Variants in SFTPA1 observed in about 807,000 individuals in gnomAD.
The protein encoded by SFTPA1 is pulmonary surfactant-associated protein A1.
Under a neutral mutation model 19.1 loss-of-function variants are expected in SFTPA1, and 13 were observed. The observed-to-expected ratio is 0.68, with a 90% CI of 0.44 to 1.08. The LOEUF is 1.08. Among genes scored for constraint, SFTPA1 ranks in the 50% least tolerant of loss-of-function variants. The pLI, the probability that SFTPA1 is intolerant of heterozygous loss-of-function variation, is 0.00. For synonymous variants in SFTPA1, 101 were observed against 117.0 expected, an observed-to-expected ratio of 0.86 and a Z score of 0.88; for missense variants, 259 against 316.4, an observed-to-expected ratio of 0.82 and a Z score of 1.38.
In SFTPA1 at chr10:79,612,443, G is replaced by T; in HGVS notation, c.292+12G>T. ...GAGGGGCCCTCCAGGTGAGCAGGGT[G>T]GGGCAGGTGGGCAGTGGAAACATGG... On this transcript the variant is annotated intron_variant, in intron 4 of 5. Transcript: ENST00000398636. 6.2e-7 allele frequency: 1 copy of T among 1,612,426 alleles called. No individual in the cohort carries two copies. The highest frequency in any genetic ancestry group is 8.5e-7 in the Non-Finnish European group (1 of 1,179,282).
In SFTPA1 at chr10:79,611,672, G is replaced by A. The variant is rs768746288; in HGVS notation, c.-23-131G>A. On this transcript the variant is annotated intron_variant, in intron 2 of 5. Transcript: ENST00000398636. The stretch of plus-strand genomic sequence containing the variant: ...GCTGGGAATTTTCCCGGGAGCTTCG[G>A]GTCTTCCCAGCACTCTGGTCTCGCC... 6.3e-6 allele frequency: 10 copies of A among 1,576,344 alleles called. No individual in the cohort carries two copies. In the South Asian group the frequency reaches 9.2e-5, roughly 14 times the overall value.
Position 79,613,960 on chromosome 10 carries a change from C to T in SFTPA1, c.594C>T (p.Phe198=). The change falls in exon 6 of 6, where the codon TTC becomes TTT. Residue 198 remains phenylalanine (F), a synonymous_variant. Coordinates refer to ENST00000398636, the MANE Select transcript of SFTPA1 (RefSeq NM_005411.5). ...CTGAGGGTCCCAGCCCTGGAGACTT[C>T]CGCTACTCAGACGGGACCCCTGTAA... is the stretch of plus-strand genomic sequence containing the variant. ...GLTEGPSPGD[F]RYSDGTPVNY... The T allele has an allele frequency of 6.2e-7, 1 of 1,614,158 alleles. No homozygotes were observed. The highest frequency in any genetic ancestry group is 8.5e-7 in the Non-Finnish European group (1 of 1,179,998).
chr10:79,613,961 C>T lies in SFTPA1; in HGVS notation c.595C>T (p.Arg199Cys), dbSNP rs564713521. 4.1e-5 allele frequency: 66 copies of T among 1,614,164 alleles called. No homozygotes were observed. Among genetic ancestry groups the T allele is most frequent in the Admixed American group, 5.0e-5 (3 of 60,032 alleles). ...LTEGPSPGDF[R>C]YSDGTPVNYT... is the part of the protein sequence containing the mutation. ...TGAGGGTCCCAGCCCTGGAGACTTC[C>T]GCTACTCAGACGGGACCCCTGTAAA... is the stretch of plus-strand genomic sequence containing the variant. Residue 199 changes from arginine (R) to cysteine (C), a missense_variant, in exon 6 of 6, where the codon CGC becomes TGC. By Grantham distance (180) the Arg-to-Cys change is radical (BLOSUM62 -3). Coordinates refer to ENST00000398636, the MANE Select transcript of SFTPA1 (RefSeq NM_005411.5).
chr10:79,612,181 G>A (rs1859891445), intron 3 of SFTPA1, 131 bp from the exon 4 acceptor site: 3 of 1,602,252 alleles, frequency 1.9e-6, no homozygotes, highest in African/African-American at 2.7e-5. Flanking sequence ...TGGAGAGTCT[G>A]TCCTCATAGT....
intron 4 of SFTPA1, among the ~76,000 whole-genome samples, chr10:79,612,647 C>A (rs1259777401): frequency 1.3e-5 from 2 of 151,916 alleles, no homozygotes; most frequent in African/African-American, 4.8e-5. Context: ...GTCCTCCGTG[C>A]CTCATGACCA....
Position 79,614,575 on chromosome 10 carries a change from G to T in SFTPA1, c.*462G>T, listed in dbSNP as rs1059086. 13 of 215,472 alleles carry T rather than the reference G, an allele frequency of 6.0e-5. No homozygotes were observed. The South Asian group carries it at 8.5e-4, about 14-fold the overall frequency. 13.3% of individuals were successfully genotyped at this position (215,472 alleles called of 1,614,324 possible). On this transcript the variant is annotated 3_prime_UTR_variant, in exon 6 of 6. Coordinates refer to ENST00000398636, the MANE Select transcript of SFTPA1 (RefSeq NM_005411.5). ...ATAATGACAGAGAGAGGCAGACTTCGGGGAAGCCCTGACTGTGCAGAGCTA... is the reference window on the plus strand; with the variant it reads ...ATAATGACAGAGAGAGGCAGACTTCTGGGAAGCCCTGACTGTGCAGAGCTA...
Position 79,614,362 on chromosome 10 carries a change from C to T in SFTPA1, c.*249C>T. ...TGCACCCCAGGCAGCCACTCTTAGC[C>T]TTGGCCTTCGACATGAGATGGAGCC... On this transcript the variant is annotated 3_prime_UTR_variant, in exon 6 of 6. Coordinates refer to ENST00000398636, the MANE Select transcript of SFTPA1 (RefSeq NM_005411.5). 1.1e-5 allele frequency: 7 copies of T among 622,868 alleles called. No individual in the cohort carries two copies. The South Asian group carries it at 1.2e-4, about 11-fold the overall frequency. The allele number at this position is 622,868 out of a possible 1,614,324, so 38.6% of individuals were successfully genotyped here.
In SFTPA1 at chr10:79,614,999, G is replaced by A. The variant is rs935601485; in HGVS notation, c.*886G>A. The A allele has an allele frequency of 7.7e-7, 1 of 1,305,054 alleles. No individual in the cohort carries two copies. The highest frequency in any genetic ancestry group is 1.5e-5 in the African/African-American group (1 of 65,810). 80.8% of individuals were successfully genotyped at this position (1,305,054 alleles called of 1,614,324 possible). A position where few individuals can be genotyped will look rare whatever the true frequency, so the allele number is the denominator to read the frequency against. ...CAGGTCTTAGGATATGTCGTGGGGTGGGCAAGGTAATCAGTGACAGTTGAA... is the reference window on the plus strand; with the variant it reads ...CAGGTCTTAGGATATGTCGTGGGGTAGGCAAGGTAATCAGTGACAGTTGAA... On this transcript the variant is annotated 3_prime_UTR_variant, in exon 6 of 6. Transcript: ENST00000398636.
Position 79,611,980 on chromosome 10 carries a change from G to A in SFTPA1, c.155G>A (p.Gly52Glu). The A allele has an allele frequency of 6.2e-7, 1 of 1,613,302 alleles. No individual in the cohort carries two copies. Among genetic ancestry groups the A allele is most frequent in the Non-Finnish European group, 8.5e-7 (1 of 1,179,502 alleles). Residue 52 changes from glycine to glutamate, a missense_variant, in exon 3 of 6, where the codon GGA (glycine) becomes GAA (glutamate). Physicochemically the swap from Gly to Glu is moderately conservative, Grantham distance 98. Transcript: ENST00000398636. ...AGGGACGGGAGAGATGGTCTCAAAG[G>A]AGACCCTGGCCCTCCAGGTACTGTG... ...PGRDGRDGLK[G>E]DPGPPGPMGP...
Position 79,613,266 on chromosome 10 carries a change from G to A in SFTPA1, c.370G>A (p.Ala124Thr). Residue 124 changes from alanine to threonine, a missense_variant and splice_region_variant, in exon 5 of 6, where the codon GCC becomes ACC. Transcript: ENST00000398636. ...ACATCAAATCCTGCAGACAAGGGGAGGTAAGGGGACCCCCTGGGCCTCACG... is the reference window on the plus strand; with the variant it reads ...ACATCAAATCCTGCAGACAAGGGGAAGTAAGGGGACCCCCTGGGCCTCACG... ...FRHQILQTRGALSLQGSIMTV... is the reference protein window; with the variant it reads ...FRHQILQTRGTLSLQGSIMTV... 4 of 1,614,078 alleles carry A rather than the reference G, an allele frequency of 2.5e-6. No homozygotes were observed. The highest frequency in any genetic ancestry group is 3.4e-6 in the Non-Finnish European group (4 of 1,179,998).
At chr10:79,612,207 G>A in intron 3 of SFTPA1, 105 bp from the exon 4 acceptor site, 1 of 1,609,312 alleles carries the variant, frequency 6.2e-7, no homozygotes. Flanking sequence ...CGGAGTGATA[G>A]AGTGATAGCT....
chr10:79,611,429 G>A (rs1490671822), intron 2 of SFTPA1, 40 bp downstream of exon 2: 1 of 771,962 alleles, frequency 1.3e-6, no homozygotes, highest in East Asian at 2.7e-5. Flanking sequence ...GACAGGGCAG[G>A]TTTTCTGCAG....
At position 79,611,926 on chromosome 10, in the gene SFTPA1, G is replaced by A. The variant is rs1859874003; in HGVS notation, c.101G>A (p.Gly34Asp). ...TGTGTTGGAAGCCCTGGTATCCCCG[G>A]CACTCCTGGATCCCACGGCCTGCCA... is the stretch of plus-strand genomic sequence containing the variant. ...DVCVGSPGIP[G>D]TPGSHGLPGR... Residue 34 changes from glycine (G) to aspartate (D), a missense_variant, in exon 3 of 6, where the codon GGC (glycine) becomes GAC (aspartate). By Grantham distance (94) the Gly-to-Asp change is moderately conservative. Transcript: ENST00000398636. 1.2e-6 allele frequency: 2 copies of A among 1,613,926 alleles called. No individual in the cohort carries two copies. Among genetic ancestry groups the A allele is most frequent in the Non-Finnish European group, 1.7e-6 (2 of 1,179,848 alleles).
At chr10:79,612,175 G>A (rs1859891322) in intron 3 of SFTPA1, 137 bp from the exon 4 acceptor site, 2 of 1,599,396 alleles carry the variant, frequency 1.3e-6, no homozygotes, top group Non-Finnish European at 1.7e-6. Context: ...GCATCCTGGA[G>A]AGTCTGTCCT....
chr10:79,614,546 A>G lies in SFTPA1; in HGVS notation c.*433A>G, dbSNP rs957684893. Reference sequence around the variant, plus strand: ...GCCATCAGGATGAGCAATCCTGGCCAAGCATAATGACAGAGAGAGGCAGAC... The same window carrying G: ...GCCATCAGGATGAGCAATCCTGGCCGAGCATAATGACAGAGAGAGGCAGAC... On this transcript the variant is annotated 3_prime_UTR_variant, in exon 6 of 6. Coordinates refer to ENST00000398636, the MANE Select transcript of SFTPA1 (RefSeq NM_005411.5). The G allele has an allele frequency of 1.1e-4, 23 of 204,190 alleles. 2 individuals are homozygous for G. The highest frequency in any genetic ancestry group is 5.4e-4 in the African/African-American group (22 of 41,060). 12.6% of individuals were successfully genotyped at this position (204,190 alleles called of 1,614,324 possible).
chr10:79,611,725 T>C, intron 2 of SFTPA1, 78 bp from the exon 3 acceptor site: 1 of 1,609,938 alleles, frequency 6.2e-7, no homozygotes, highest in Non-Finnish European at 8.5e-7. Flanking sequence ...TCTGCCCAGC[T>C]TCCTGAGTCC....
chr10:79,613,608 G>A, intron 5 of SFTPA1, 129 bp from the exon 6 acceptor site: 1 of 1,309,164 alleles, frequency 7.6e-7, no homozygotes. Context: ...AATTGGAAGA[G>A]GAAGAGAAGA....
Position 79,614,663 on chromosome 10 carries a change from A to G in SFTPA1, c.*550A>G, listed in dbSNP as rs1860064447. On this transcript the variant is annotated 3_prime_UTR_variant, in exon 6 of 6. Transcript: ENST00000398636. ...TGTGGCAGGCCTGGTCAGGCTCTCC[A>G]TGAGGTTAGAAGGCCAGGTAGTGTT... 2.2e-5 allele frequency: 6 copies of G among 271,456 alleles called. No individual in the cohort carries two copies. The highest frequency in any genetic ancestry group is 4.3e-5 in the Non-Finnish European group (6 of 138,166). The allele number at this position is 271,456 out of a possible 1,614,324, so 16.8% of individuals were successfully genotyped here. A position where few individuals can be genotyped will look rare whatever the true frequency, so the allele number is the denominator to read the frequency against.
At chr10:79,611,450 A>T in intron 2 of SFTPA1, 61 bp downstream of exon 2, 1 of 930,066 alleles carries the variant, frequency 1.1e-6, no homozygotes, top group Non-Finnish European at 1.6e-6. Context: ...AGCACGGAAG[A>T]TTCAGCTGAA....
Sources: allele counts gnomAD v4.1 joint callset (sites outside exome capture counted in the v4.1 genomes callset), GRCh38; gene constraint gnomAD v4.1.1; transcripts MANE v1.5; gene names NCBI Gene and HGNC (gene_info 2026-07-23, HGNC 2026-07-21).